Variants in RABGAP1L observed in about 807,000 individuals in gnomAD.
RABGAP1L encodes rab GTPase-activating protein 1-like.
A neutral mutation model predicts 137.7 loss-of-function variants in RABGAP1L; 63 were observed. That is an observed-to-expected ratio of 0.46 (90% CI 0.37 to 0.56). The LOEUF is 0.56. RABGAP1L is among the 20% of genes least tolerant of loss of function. The probability of loss-of-function intolerance (pLI) is 0.00; values close to 1 mark genes in which losing one functional copy is unlikely to be tolerated. For synonymous variants in RABGAP1L, 431 were observed against 433.7 expected (o/e 0.99, Z 0.08); for missense variants, 1,095 against 1,244.0 (o/e 0.88, Z 1.80).
intron 19 of RABGAP1L, among the ~76,000 whole-genome samples, chr1:174,946,793 C>T (rs984200232): frequency 8.8e-4 from 130 of 147,902 alleles, no homozygotes; most frequent in African/African-American, 3.1e-3. Flanking sequence ...CCCAGTTACT[C>T]GGGAGGCTGA....
At chr1:174,858,527 A>G (rs1029426620) in intron 19 of RABGAP1L, among the ~76,000 whole-genome samples, 1 of 152,190 alleles carries the variant, frequency 6.6e-6, no homozygotes, top group Non-Finnish European at 1.5e-5. Context: ...GCCATTCCAA[A>G]ACACTAATAG....
At chr1:174,260,218 G>C (rs1345620242) in intron 7 of RABGAP1L, among the ~76,000 whole-genome samples, 1 of 152,116 alleles carries the variant, frequency 6.6e-6, no homozygotes, top group Non-Finnish European at 1.5e-5. Flanking sequence ...GTAGAGCCAG[G>C]ATTTAAACCA....
At chr1:174,621,194 A>T (rs1280708758) in intron 13 of RABGAP1L, among the ~76,000 whole-genome samples, 1 of 152,200 alleles carries the variant, frequency 6.6e-6, no homozygotes, top group African/African-American at 2.4e-5. Flanking sequence ...CTGCTCAAGG[A>T]AATAAAAGAG....
At chr1:174,241,392 CT>C (rs958284768) in intron 4 of RABGAP1L, 90 bp from the exon 5 acceptor site, 345 of 837,882 alleles carry the variant, frequency 4.1e-4, no homozygotes, top group South Asian at 6.9e-4. Context: ...ACTATTTGTT[CT>C]TTTTTTTTAA....
chr1:174,165,510 TA>T (rs1440627299), intron 1 of RABGAP1L, among the ~76,000 whole-genome samples: 13 of 150,876 alleles, frequency 8.6e-5, no homozygotes, highest in African/African-American at 3.2e-4. Flanking sequence ...TTTTTTTTTT[TA>T]ATTTGGAGAC....
At chr1:174,215,221 C>G (rs576864131) in intron 1 of RABGAP1L, among the ~76,000 whole-genome samples, 1 of 152,250 alleles carries the variant, frequency 6.6e-6, no homozygotes, top group African/African-American at 2.4e-5. Context: ...CTTTGGGAGG[C>G]CAGGGCGAGT....
chr1:174,246,015 C>G (rs1196657164), intron 5 of RABGAP1L: 2 of 152,080 alleles, frequency 1.3e-5, no homozygotes, highest in African/African-American at 4.8e-5. Context: ...AAGACTTCAT[C>G]TTGGAGAAAC....
rs1338637420 is a variant in RABGAP1L, at chr1:174,516,927, A to AT, written c.1711-120448_1711-120447insT. On this transcript the variant is annotated intron_variant, in intron 13 of 25. Transcript: ENST00000681986. Reference sequence around the variant, plus strand: ...GGGTGACAGAGCGAGACTCTGTCTCAAAAATAAATAAATAAATAAATAAAT... The same window carrying AT: ...GGGTGACAGAGCGAGACTCTGTCTCATAAAATAAATAAATAAATAAATAAAT... Among the ~76,000 whole-genome samples the AT allele has an allele frequency of 7.5e-5, 10 of 133,582 alleles. No homozygotes were observed. The East Asian group carries it at 2.1e-3, about 28-fold the overall frequency. The allele number at this position is 133,582 out of a possible 152,430, so 87.6% of individuals were successfully genotyped here. A position where few individuals can be genotyped will look rare whatever the true frequency, so the allele number is the denominator to read the frequency against.
chr1:174,356,258 A>G (rs1683632436), intron 11 of RABGAP1L, among the ~76,000 whole-genome samples: 2 of 152,094 alleles, frequency 1.3e-5, no homozygotes, highest in African/African-American at 4.8e-5. Flanking sequence ...TATAGAACCT[A>G]TTGTTGCCTA....
intron 14 of RABGAP1L, among the ~76,000 whole-genome samples, chr1:174,641,658 G>T (rs996213145): frequency 5.9e-5 from 9 of 152,134 alleles, no homozygotes; most frequent in African/African-American, 2.2e-4. Flanking sequence ...TCTGCTATAA[G>T]TTGGGAGACA....
intron 13 of RABGAP1L, among the ~76,000 whole-genome samples, chr1:174,623,618 C>G (rs1056396883): frequency 1.3e-5 from 2 of 152,166 alleles, no homozygotes. Flanking sequence ...TGATAATACA[C>G]GTGGAGTACT....
intron 18 of RABGAP1L, chr1:174,800,152 C>T (rs1688620934): frequency 2.9e-6 from 4 of 1,386,908 alleles, no homozygotes; most frequent in African/African-American, 2.9e-5. Context: ...CTTTGGGGTT[C>T]TCGCAGTGGA....
intron 19 of RABGAP1L, among the ~76,000 whole-genome samples, chr1:174,824,297 AT>A (rs1048331387): frequency 2.0e-5 from 3 of 151,874 alleles, no homozygotes; most frequent in Non-Finnish European, 2.9e-5. Context: ...CTCAAAAAAA[AT>A]ATATAGATAT....
chr1:174,165,451 A>G (rs116260440), intron 1 of RABGAP1L, among the ~76,000 whole-genome samples: 2,017 of 146,722 alleles, frequency 0.014, 18 homozygotes, highest in Middle Eastern at 0.045. Flanking sequence ...TGCCCGGTCT[A>G]CTTTTAGTTT....
intron 14 of RABGAP1L, among the ~76,000 whole-genome samples, chr1:174,658,791 T>G (rs1676157642): frequency 6.6e-6 from 1 of 152,234 alleles, no homozygotes; most frequent in African/African-American, 2.4e-5. Context: ...GCTTAATTAC[T>G]TTTTAAAGAT....
At chr1:174,234,821 G>T (rs1015444628) in intron 4 of RABGAP1L, among the ~76,000 whole-genome samples, 27 of 148,100 alleles carry the variant, frequency 1.8e-4, no homozygotes, top group Admixed American at 1.1e-3. Context: ...TTGGTAGCTT[G>T]ATGGGGATGG....
At chr1:174,280,847 C>T (rs574283203) in intron 10 of RABGAP1L, among the ~76,000 whole-genome samples, 5 of 152,278 alleles carry the variant, frequency 3.3e-5, no homozygotes, top group Admixed American at 6.5e-5. Flanking sequence ...CGGACCCTTG[C>T]GGTGAGTGTT....
intron 1 of RABGAP1L, among the ~76,000 whole-genome samples, chr1:174,165,823 G>A (rs1664865467): frequency 6.6e-6 from 1 of 152,156 alleles, no homozygotes; most frequent in African/African-American, 2.4e-5. Flanking sequence ...TGAAGAATGG[G>A]TAGGATTTGG....
At chr1:174,519,185 AATAT>A (rs946882896) in intron 13 of RABGAP1L, among the ~76,000 whole-genome samples, 3 of 149,792 alleles carry the variant, frequency 2.0e-5, no homozygotes. Context: ...CCCATGTGTA[AATAT>A]ATATATATAC....
Sources: allele counts gnomAD v4.1 joint callset (sites outside exome capture counted in the v4.1 genomes callset), GRCh38; gene constraint gnomAD v4.1.1; transcripts MANE v1.5; gene names NCBI Gene and HGNC (gene_info 2026-07-23, HGNC 2026-07-21).